The following PRKD1 variants were observed in gnomAD, a reference collection of about 807,000 sequenced individuals.
PRKD1 encodes the protein protein kinase D1, also known as serine/threonine-protein kinase D1.
A neutral mutation model predicts 95.9 loss-of-function variants in PRKD1; 63 were observed. The observed-to-expected ratio is 0.66, with a 90% CI of 0.54 to 0.81. The LOEUF (loss-of-function observed/expected upper bound fraction) is 0.81. Ranked by LOEUF, PRKD1 falls within the 30% of genes least tolerant of loss-of-function variation. The pLI is 0.00. For synonymous variants in PRKD1, 425 were observed against 423.1 expected (o/e 1.00, Z -0.05); for missense variants, 1,048 against 1,165.3 (o/e 0.90, Z 1.47).
chr14:29,909,739 G>A (rs1894636136), intron 1 of PRKD1, among the ~76,000 whole-genome samples: 2 of 151,986 alleles, frequency 1.3e-5, no homozygotes, highest in African/African-American at 2.4e-5. Flanking sequence ...ACACCAATCA[G>A]CACTCTGTAG....
chr14:29,629,125 A>C, intron 10 of PRKD1, 32 bp from the exon 11 acceptor site: 3 of 1,576,656 alleles, frequency 1.9e-6, no homozygotes, highest in Non-Finnish European at 2.6e-6. Flanking sequence ...TATGCACACA[A>C]AAAGTCAGTA....
intron 1 of PRKD1, among the ~76,000 whole-genome samples, chr14:29,896,937 T>A (rs765384138): frequency 4.6e-5 from 7 of 151,922 alleles, no homozygotes; most frequent in Admixed American, 2.6e-4. Context: ...TCTCTAAATA[T>A]TTTTCCTTTC....
chr14:29,700,960 GTGTACGCGTGCGCA>G (rs1884796752), intron 2 of PRKD1, among the ~76,000 whole-genome samples: 2 of 108,982 alleles, frequency 1.8e-5, no homozygotes, highest in African/African-American at 8.1e-5. Context: ...AGGCATTTGT[GTGTACGCGTGCGCA>G]TGCGCGCGCG....
intron 4 of PRKD1, among the ~76,000 whole-genome samples, chr14:29,653,265 C>T (rs1314189463): frequency 6.6e-6 from 1 of 152,002 alleles, no homozygotes; most frequent in Non-Finnish European, 1.5e-5. Flanking sequence ...TTAGAATGAG[C>T]GATTTATTTC....
chr14:29,632,640 T>C (rs753416447), intron 9 of PRKD1, among the ~76,000 whole-genome samples: 8 of 151,966 alleles, frequency 5.3e-5, no homozygotes, highest in Non-Finnish European at 7.4e-5. Flanking sequence ...CATCATCCCA[T>C]GGTACCAGAA....
intron 2 of PRKD1, among the ~76,000 whole-genome samples, chr14:29,720,428 C>A (rs1885827668): frequency 6.6e-6 from 1 of 151,930 alleles, no homozygotes; most frequent in South Asian, 2.1e-4. Flanking sequence ...AATATTATCA[C>A]TGTATGATAC....
At chr14:29,859,452 C>CA (rs1413419494) in intron 1 of PRKD1, among the ~76,000 whole-genome samples, 1 of 151,970 alleles carries the variant, frequency 6.6e-6, no homozygotes, top group South Asian at 2.1e-4. Flanking sequence ...ACTAAAAATA[C>CA]AAAAAATTAG....
At chr14:29,877,375 A>C (rs900522519) in intron 1 of PRKD1, among the ~76,000 whole-genome samples, 4 of 152,246 alleles carry the variant, frequency 2.6e-5, no homozygotes, top group African/African-American at 4.8e-5. Flanking sequence ...AGTTCCTTAC[A>C]GATGCTGGAT....
Position 29,634,601 on chromosome 14 carries a change from A to C in PRKD1, c.1191-60T>G. On this transcript the variant is annotated intron_variant, in intron 7 of 17. Coordinates refer to ENST00000331968, the MANE Select transcript of PRKD1 (RefSeq NM_002742.3). ...TTTCAGGTACATTTTATGTATTTTC[A>C]TGCATAAAACCTTATGTCAGCTAAT... 3 of 1,600,114 alleles carry C rather than the reference A, an allele frequency of 1.9e-6. No homozygotes were observed. In the South Asian group the frequency reaches 3.3e-5, roughly 18 times the overall value.
intron 16 of PRKD1, among the ~76,000 whole-genome samples, chr14:29,579,014 A>G (rs886363493): frequency 6.6e-6 from 1 of 152,092 alleles, no homozygotes; most frequent in Non-Finnish European, 1.5e-5. Flanking sequence ...AAGACAGGAA[A>G]GAAGTCTATT....
intron 1 of PRKD1, among the ~76,000 whole-genome samples, chr14:29,802,808 G>A (rs1890089251): frequency 6.6e-6 from 1 of 152,180 alleles, no homozygotes; most frequent in African/African-American, 2.4e-5. Flanking sequence ...TCCAGTTTCT[G>A]AATCTGCTTT....
At chr14:29,919,996 G>GA in intron 1 of PRKD1, among the ~76,000 whole-genome samples, 8 of 144,270 alleles carry the variant, frequency 5.5e-5, no homozygotes, top group African/African-American at 2.1e-4. Flanking sequence ...AAGAGAGGAA[G>GA]GAAGGTAGGA....
intron 16 of PRKD1, among the ~76,000 whole-genome samples, chr14:29,586,667 G>A (rs1245830827): frequency 6.6e-6 from 1 of 152,102 alleles, no homozygotes; most frequent in East Asian, 1.9e-4. Context: ...TTGAGACGGA[G>A]TTTTGCTCTT....
intron 1 of PRKD1, among the ~76,000 whole-genome samples, chr14:29,836,509 T>C (rs973801798): frequency 9.2e-5 from 14 of 152,146 alleles, no homozygotes; most frequent in African/African-American, 3.1e-4. Flanking sequence ...GTAAGCCAGA[T>C]ACTGGCAAGC....
At chr14:29,623,680 C>G (rs57469370) in intron 13 of PRKD1, among the ~76,000 whole-genome samples, 1 of 152,026 alleles carries the variant, frequency 6.6e-6, no homozygotes, top group Non-Finnish European at 1.5e-5. Context: ...TGACAATGCC[C>G]GATGTCAAAT....
At position 29,701,805 on chromosome 14, in the gene PRKD1, G is replaced by C. The variant is rs545332344; in HGVS notation, c.403+23731C>G. ...ATGTTGGTAACTATATCTTTTTGAT[G>C]ATACTCAGTTTTTGATAATTTATTT... On this transcript the variant is annotated intron_variant, in intron 2 of 17. Transcript: ENST00000331968. Among the ~76,000 whole-genome samples the C allele has an allele frequency of 1.7e-3, 251 of 152,114 alleles. 5 individuals carry two copies. Among genetic ancestry groups the C allele is most frequent in the Admixed American group, 0.015 (227 of 15,280 alleles).
chr14:29,870,066 G>C (rs1031488574), intron 1 of PRKD1, among the ~76,000 whole-genome samples: 1 of 151,954 alleles, frequency 6.6e-6, no homozygotes, highest in Admixed American at 6.6e-5. Flanking sequence ...ACCGAGGTGG[G>C]GCAAATAAAA....
intron 11 of PRKD1, among the ~76,000 whole-genome samples, chr14:29,627,953 G>GGCCA (rs1879735577): frequency 6.6e-6 from 1 of 152,162 alleles, no homozygotes; most frequent in South Asian, 2.1e-4. Context: ...CTCAATGGCC[G>GGCCA]ATCCAAAATC....
At chr14:29,721,144 T>C (rs923710750) in intron 2 of PRKD1, among the ~76,000 whole-genome samples, 2 of 152,188 alleles carry the variant, frequency 1.3e-5, no homozygotes, top group Non-Finnish European at 2.9e-5. Flanking sequence ...AGCCCGAGAA[T>C]AGGCCCACGC....
Sources: gnomAD v4.1 joint callset for allele counts (sites outside exome capture counted in the v4.1 genomes callset) on GRCh38, gnomAD v4.1.1 for gene constraint, MANE v1.5 for transcripts, NCBI Gene and HGNC (gene_info 2026-07-23, HGNC 2026-07-21) for gene names.